ATP8A2: variants seen among roughly 807,000 people sequenced by gnomAD.
ATP8A2 encodes the protein ATPase phospholipid transporting 8A2.
A neutral mutation model predicts 165.6 loss-of-function variants in ATP8A2; 100 were observed. The observed-to-expected ratio is 0.60, with a 90% CI of 0.51 to 0.71. The LOEUF is 0.71. Ranked by LOEUF, ATP8A2 falls within the 30% of genes least tolerant of loss-of-function variation. The pLI, the probability that ATP8A2 is intolerant of heterozygous loss-of-function variation, is 0.00. For missense variants in ATP8A2, 1,227 were observed against 1,479.5 expected, an observed-to-expected ratio of 0.83 and a Z score of 2.80; for synonymous variants, 543 against 548.8, an observed-to-expected ratio of 0.99 and a Z score of 0.15.
chr13:25,654,364 C>T (rs925505887), intron 24 of ATP8A2, among the ~76,000 whole-genome samples: 2 of 152,070 alleles, frequency 1.3e-5, no homozygotes, highest in Non-Finnish European at 2.9e-5. Context: ...TGCCATATGC[C>T]TGACTAATAT....
Position 25,968,635 on chromosome 13 carries a change from T to G in ATP8A2, c.3333T>G (p.Ser1111=). 1.9e-6 allele frequency: 3 copies of G among 1,613,786 alleles called. No homozygotes were observed. The highest frequency in any genetic ancestry group is 1.1e-5 in the South Asian group (1 of 90,812). Reference sequence around the variant, plus strand: ...AGGTGCAGGAGCTGGAAACCAAGTCTCGAGTCCTGGGAAAAGCGGTGCTGC... The same window carrying G: ...AGGTGCAGGAGCTGGAAACCAAGTCGCGAGTCCTGGGAAAAGCGGTGCTGC... ...LEEVQELETK[S]RVLGKAVLRD... Residue 1111 remains serine (S), a synonymous_variant, in exon 35 of 37, where the codon TCT becomes TCG. Coordinates refer to ENST00000381655, the MANE Select transcript of ATP8A2 (RefSeq NM_016529.6).
At chr13:25,533,194 A>G in intron 5 of ATP8A2, 79 bp from the exon 6 acceptor site, 1 of 787,546 alleles carries the variant, frequency 1.3e-6, no homozygotes, top group Non-Finnish European at 2.1e-6. Flanking sequence ...TGGAATTCTA[A>G]AAGAAAGCTT....
At chr13:25,726,823 G>C (rs1306005215) in intron 25 of ATP8A2, among the ~76,000 whole-genome samples, 1 of 152,134 alleles carries the variant, frequency 6.6e-6, no homozygotes, top group African/African-American at 2.4e-5. Flanking sequence ...TCAATTCCAG[G>C]GAGTCCTTTT....
chr13:25,411,233 A>G (rs2033954876), intron 1 of ATP8A2, among the ~76,000 whole-genome samples: 1 of 152,216 alleles, frequency 6.6e-6, no homozygotes, highest in Non-Finnish European at 1.5e-5. Flanking sequence ...TGCAAAGACT[A>G]AAGGTTTTTC....
At chr13:25,828,341 G>T (rs1285971602) in intron 28 of ATP8A2, 149 bp downstream of exon 28, 2 of 706,456 alleles carry the variant, frequency 2.8e-6, no homozygotes, top group Non-Finnish European at 2.5e-6. Flanking sequence ...CTTTGTTGCT[G>T]TGAAACATCC....
intron 30 of ATP8A2, among the ~76,000 whole-genome samples, chr13:25,854,611 T>C (rs1336968463): frequency 6.6e-6 from 1 of 152,192 alleles, no homozygotes; most frequent in East Asian, 1.9e-4. Context: ...CCACTGTGCC[T>C]GGCCAAATGC....
intron 23 of ATP8A2, among the ~76,000 whole-genome samples, chr13:25,587,439 GA>G (rs35160216): frequency 1.3e-5 from 2 of 149,898 alleles, no homozygotes; most frequent in African/African-American, 2.4e-5. Context: ...GCCATGGCTA[GA>G]AAAAAAAAGA....
In ATP8A2 at chr13:25,953,722, G is replaced by A. The variant is rs941006055; in HGVS notation, c.3184-7853G>A. Among the ~76,000 whole-genome samples the A allele has an allele frequency of 6.6e-6, 1 of 152,002 alleles. No homozygotes were observed. Among genetic ancestry groups the A allele is most frequent in the Non-Finnish European group, 1.5e-5 (1 of 68,014 alleles). On this transcript the variant is annotated intron_variant, in intron 33 of 36. Coordinates refer to ENST00000381655, the MANE Select transcript of ATP8A2 (RefSeq NM_016529.6). This position sits in a 1 kb window ranked among gnomAD's most constrained non-coding sequence, Gnocchi z 6.7. ...GGAGGGCAAGCCGAAGCAGGGTGGGGCGTTGCCTCACCCGGGAAGCACAGG... is the reference window on the plus strand; with the variant it reads ...GGAGGGCAAGCCGAAGCAGGGTGGGACGTTGCCTCACCCGGGAAGCACAGG...
At chr13:25,697,390 C>T (rs879711768) in intron 24 of ATP8A2, among the ~76,000 whole-genome samples, 8 of 152,184 alleles carry the variant, frequency 5.3e-5, no homozygotes, top group East Asian at 1.9e-4. Context: ...ATTGATTCTC[C>T]TGCCTCAGAC....
intron 2 of ATP8A2, among the ~76,000 whole-genome samples, chr13:25,496,509 A>G (rs1299472331): frequency 1.3e-5 from 2 of 152,224 alleles, no homozygotes; most frequent in East Asian, 3.8e-4. Context: ...ATGGACCTCA[A>G]TTTCCTCACT....
At chr13:25,594,951 C>T (rs568667135) in intron 24 of ATP8A2, among the ~76,000 whole-genome samples, 4 of 145,548 alleles carry the variant, frequency 2.7e-5, no homozygotes, top group African/African-American at 1.0e-4. Flanking sequence ...CATCAAACAA[C>T]GAGTAGATAA....
At chr13:25,842,457 C>T (rs1442688830) in intron 30 of ATP8A2, among the ~76,000 whole-genome samples, 2 of 152,070 alleles carry the variant, frequency 1.3e-5, no homozygotes, top group African/African-American at 4.8e-5. Context: ...GGTGGATCAC[C>T]TGACATCAGT....
At chr13:25,956,526 A>G (rs1167175718) in intron 33 of ATP8A2, among the ~76,000 whole-genome samples, 1 of 152,202 alleles carries the variant, frequency 6.6e-6, no homozygotes, top group Non-Finnish European at 1.5e-5. Context: ...CACAATTGCT[A>G]CAAAGAGAAT....
chr13:25,852,603 TC>T (rs1952036842), intron 30 of ATP8A2, among the ~76,000 whole-genome samples: 1 of 152,350 alleles, frequency 6.6e-6, no homozygotes, highest in Middle Eastern at 3.4e-3. Context: ...ATTGTTTTTT[TC>T]TTTGAAATTA....
intron 33 of ATP8A2, among the ~76,000 whole-genome samples, chr13:25,913,990 C>T (rs1954196757): frequency 1.3e-5 from 2 of 152,168 alleles, no homozygotes; most frequent in African/African-American, 4.8e-5. Context: ...AACCAGGTGA[C>T]CTCATATGAC....
At chr13:25,468,894 C>T in intron 1 of ATP8A2, 83 bp from the exon 2 acceptor site, 1 of 1,568,464 alleles carries the variant, frequency 6.4e-7, no homozygotes, top group East Asian at 2.4e-5. Flanking sequence ...GGTGGCCGCC[C>T]GCCCGCGGCC....
At chr13:25,622,974 A>G (rs896934155) in intron 24 of ATP8A2, among the ~76,000 whole-genome samples, 9 of 152,220 alleles carry the variant, frequency 5.9e-5, no homozygotes, top group African/African-American at 2.2e-4. Context: ...TCCAGTAGAA[A>G]TCTTCATAGT....
intron 1 of ATP8A2, among the ~76,000 whole-genome samples, chr13:25,379,544 T>A (rs780078399): frequency 5.3e-5 from 8 of 152,220 alleles, no homozygotes; most frequent in Non-Finnish European, 1.0e-4. Context: ...TATCAGCTAT[T>A]TTTAGTCACA....
At chr13:25,405,303 C>T (rs1453677242) in intron 1 of ATP8A2, among the ~76,000 whole-genome samples, 1 of 152,132 alleles carries the variant, frequency 6.6e-6, no homozygotes. Context: ...AAAGTTGATC[C>T]GAGTCCAGCA....
Sources: gnomAD v4.1 joint callset for allele counts (sites outside exome capture counted in the v4.1 genomes callset) on GRCh38, gnomAD v4.1.1 for gene constraint, Gnocchi (gnomAD v3.1) non-coding constraint, MANE v1.5 for transcripts, NCBI Gene and HGNC (gene_info 2026-07-23, HGNC 2026-07-21) for gene names.